Variants in TUBGCP4 observed in about 807,000 individuals in gnomAD.
The protein encoded by TUBGCP4 is tubulin gamma complex component 4.
A neutral mutation model predicts 91.6 loss-of-function variants in TUBGCP4; 54 were observed. That is an observed-to-expected ratio of 0.59 (90% CI 0.47 to 0.74). The LOEUF is 0.74. Among genes scored for constraint, TUBGCP4 ranks in the 30% least tolerant of loss-of-function variants. The pLI is 0.00. For missense variants in TUBGCP4, 593 were observed against 800.9 expected, an observed-to-expected ratio of 0.74 and a Z score of 3.13; for synonymous variants, 297 against 302.8, an observed-to-expected ratio of 0.98 and a Z score of 0.20.
At chr15:43,397,920 C>G in intron 12 of TUBGCP4, 121 bp from the exon 13 acceptor site, 1 of 1,009,754 alleles carries the variant, frequency 9.9e-7, no homozygotes, top group Non-Finnish European at 1.4e-6. Flanking sequence ...CTGTATTGCC[C>G]AGACTGGTCT....
intron 9 of TUBGCP4, among the ~76,000 whole-genome samples, chr15:43,387,845 A>C (rs1274917339): frequency 6.6e-6 from 1 of 151,548 alleles, no homozygotes; most frequent in African/African-American, 2.4e-5. Flanking sequence ...GAGGGTAGGT[A>C]CCTTTATTTT....
rs2044870071 is a variant in TUBGCP4, at chr15:43,406,202, C to CCAT, written c.*991_*993dup. On this transcript the variant is annotated 3_prime_UTR_variant, in exon 18 of 18. Transcript: ENST00000564079. ...TTGAAGTTATCTTAATATGGCCCAG[C>CCAT]CATCACTGGTAATCAATATTCATAT... 6.3e-6 allele frequency: 1 copy of CCAT among 159,288 alleles called. No homozygotes were observed. Among genetic ancestry groups the CCAT allele is most frequent in the East Asian group, 1.8e-4 (1 of 5,522 alleles). 9.9% of individuals were successfully genotyped at this position (159,288 alleles called of 1,614,324 possible).
chr15:43,405,177 A>T, intron 17 of TUBGCP4, 25 bp from the exon 18 acceptor site: 2 of 1,614,076 alleles, frequency 1.2e-6, no homozygotes, highest in Non-Finnish European at 1.7e-6. Flanking sequence ...ATGACACTTA[A>T]TAAGGCTCTT....
Position 43,397,315 on chromosome 15 carries a change from C to T in TUBGCP4, c.1273C>T (p.His425Tyr). The change falls in exon 12 of 18, where the codon CAC (histidine) becomes TAC (tyrosine). Residue 425 changes from histidine (H) to tyrosine (Y), a missense_variant. Coordinates refer to ENST00000564079, the MANE Select transcript of TUBGCP4 (RefSeq NM_014444.5). The stretch of plus-strand genomic sequence containing the variant: ...GACAATCGAGTATCACGGAAAGGAG[C>T]ACAAAGGTTTGCCATTCCTCCCTGC... ...HLTIEYHGKE[H>Y]KDATQAREGP... 3 of 1,613,380 alleles carry T rather than the reference C, an allele frequency of 1.9e-6. No homozygotes were observed. The highest frequency in any genetic ancestry group is 2.5e-6 in the Non-Finnish European group (3 of 1,179,286).
chr15:43,387,874 G>A (rs917770703), intron 9 of TUBGCP4, among the ~76,000 whole-genome samples: 1 of 151,190 alleles, frequency 6.6e-6, no homozygotes, highest in Non-Finnish European at 1.5e-5. Context: ...TTTGAGACAG[G>A]GTCTTGCTTT....
chr15:43,377,628 AG>A (rs2044227227), intron 4 of TUBGCP4: 10 of 471,602 alleles, frequency 2.1e-5, no homozygotes, highest in South Asian at 5.9e-5. Flanking sequence ...AAAAAAAAAA[AG>A]AAAAAAGAAA....
Position 43,408,828 on chromosome 15 carries a change from A to G in TUBGCP4, c.*3614A>G. The G allele has an allele frequency of 6.7e-7, 1 of 1,493,830 alleles. No homozygotes were observed. Among genetic ancestry groups the G allele is most frequent in the South Asian group, 1.1e-5 (1 of 87,902 alleles). The allele number at this position is 1,493,830 out of a possible 1,614,324, so 92.5% of individuals were successfully genotyped here. ...TCTAGAAAGCTTTACTCTCTCACCT[A>G]GATTCTCTTCCCTCCAAAGCTTGCT... is the stretch of plus-strand genomic sequence containing the variant. On this transcript the variant is annotated 3_prime_UTR_variant, in exon 18 of 18. Coordinates refer to ENST00000564079, the MANE Select transcript of TUBGCP4 (RefSeq NM_014444.5).
Position 43,377,662 on chromosome 15 carries a change from C to T in TUBGCP4, c.385-185C>T, listed in dbSNP as rs1416539990. ...AAAAAAAAGAAACTGCCTCTCTCTG[C>T]CATCCTCTTCCTATCTGCAGCGAAC... On this transcript the variant is annotated intron_variant, in intron 4 of 17. Transcript: ENST00000564079. 6.0e-5 allele frequency: 32 copies of T among 537,260 alleles called. No homozygotes were observed. In the South Asian group the frequency reaches 6.3e-4, roughly 11 times the overall value. 33.3% of individuals were successfully genotyped at this position (537,260 alleles called of 1,614,324 possible).
rs1468703001 is a variant in TUBGCP4 at position 43,406,773 on chromosome 15, T to A, written c.*1559T>A. 2.8e-6 allele frequency: 1 copy of A among 360,354 alleles called. No individual in the cohort carries two copies. The highest frequency in any genetic ancestry group is 5.4e-6 in the Non-Finnish European group (1 of 184,360). The allele number at this position is 360,354 out of a possible 1,614,324, so 22.3% of individuals were successfully genotyped here. On this transcript the variant is annotated 3_prime_UTR_variant, in exon 18 of 18. Coordinates refer to ENST00000564079, the MANE Select transcript of TUBGCP4 (RefSeq NM_014444.5). ...CAGGTGTTCTCACTTGTGCTTCCCA[T>A]GTTTATCTTACGGAAGGTCATTCCA...
chr15:43,393,436 CT>C (rs904515341), intron 9 of TUBGCP4, among the ~76,000 whole-genome samples: 10 of 148,210 alleles, frequency 6.7e-5, no homozygotes, highest in South Asian at 2.2e-4. Context: ...GTTTCGATCT[CT>C]TTTTTTTTTA....
intron 9 of TUBGCP4, 165 bp from the exon 10 acceptor site, chr15:43,394,942 G>A (rs2044556234): frequency 1.4e-6 from 1 of 707,890 alleles, no homozygotes; most frequent in East Asian, 2.6e-5. Flanking sequence ...ATTCTTTACA[G>A]CAGTGTGAGA....
At chr15:43,405,093 C>CAGA in intron 17 of TUBGCP4, 109 bp from the exon 18 acceptor site, 1 of 1,291,434 alleles carries the variant, frequency 7.7e-7, no homozygotes, top group Non-Finnish European at 1.1e-6. Context: ...AGAAACTCTT[C>CAGA]AGTTTTAAGA....
At position 43,400,038 on chromosome 15, in the gene TUBGCP4, T is replaced by G. The variant is rs2142875037; in HGVS notation, c.1419-6T>G. 6.2e-7 allele frequency: 1 copy of G among 1,604,702 alleles called. No individual in the cohort carries two copies. On this transcript the variant is annotated splice_region_variant and splice_polypyrimidine_tract_variant and intron_variant, in intron 13 of 17. Coordinates refer to ENST00000564079, the MANE Select transcript of TUBGCP4 (RefSeq NM_014444.5). ...TGTCTTGAATATCCTGTTATTTCTG[T>G]CCTAGGTACAATGTTGTTTTTAAGT... is the stretch of plus-strand genomic sequence containing the variant.
chr15:43,403,856 T>C (rs1289299636), intron 16 of TUBGCP4, 57 bp downstream of exon 16: 19 of 1,257,924 alleles, frequency 1.5e-5, no homozygotes, highest in Non-Finnish European at 2.1e-5. Flanking sequence ...GTTTTGCCAA[T>C]GGAGAATTCA....
chr15:43,403,559 C>G (rs186860378), intron 15 of TUBGCP4, 124 bp from the exon 16 acceptor site: 8 of 720,222 alleles, frequency 1.1e-5, no homozygotes, highest in African/African-American at 1.8e-5. Flanking sequence ...CAGTGTCTAT[C>G]CTGTCAGATT....
At chr15:43,395,215 C>T in intron 10 of TUBGCP4, 58 bp downstream of exon 10, 1 of 1,587,678 alleles carries the variant, frequency 6.3e-7, no homozygotes, top group Non-Finnish European at 8.7e-7. Context: ...GACTTGCATT[C>T]TCTGATGTTT....
Position 43,383,530 on chromosome 15 carries a change from A to T in TUBGCP4, c.723+26A>T, listed in dbSNP as rs1419700400. On this transcript the variant is annotated intron_variant, in intron 7 of 17. Transcript: ENST00000564079. ...GTGAGAGCCCAAAAAGTAGCCTAGCACTCTCCTGCCAGGAGTCAGAAAAGC... is the reference window on the plus strand; with the variant it reads ...GTGAGAGCCCAAAAAGTAGCCTAGCTCTCTCCTGCCAGGAGTCAGAAAAGC... 11 of 1,558,972 alleles carry T rather than the reference A, an allele frequency of 7.1e-6. No homozygotes were observed. The African/African-American group carries it at 9.6e-5, about 14-fold the overall frequency.
chr15:43,392,119 C>T (rs868400981), intron 9 of TUBGCP4, among the ~76,000 whole-genome samples: 46 of 139,288 alleles, frequency 3.3e-4, no homozygotes, highest in African/African-American at 4.4e-4. Flanking sequence ...CACACACACA[C>T]ATATTTTTTT....
At chr15:43,375,909 C>A (rs904993059) in intron 1 of TUBGCP4, among the ~76,000 whole-genome samples, 189 bp from the exon 2 acceptor site, 25 of 152,122 alleles carry the variant, frequency 1.6e-4, no homozygotes, top group African/African-American at 5.6e-4. Context: ...TTTTAAGAAG[C>A]AAATAATTGG....
Sources: gnomAD v4.1 joint callset for allele counts (sites outside exome capture counted in the v4.1 genomes callset) on GRCh38, gnomAD v4.1.1 for gene constraint, MANE v1.5 for transcripts, NCBI Gene and HGNC (gene_info 2026-07-23, HGNC 2026-07-21) for gene names.